FTCDNL1: variants seen among roughly 807,000 people sequenced by gnomAD.
The protein encoded by FTCDNL1 is formiminotransferase N-terminal subdomain-containing protein.
FTCDNL1 carries 11 observed loss-of-function variants against 5.9 expected under a neutral mutation model. That is an observed-to-expected ratio of 1.87 (90% CI 1.18 to 3.10). The LOEUF is 3.10. Among genes scored for constraint, FTCDNL1 ranks in the 30% most tolerant of loss-of-function variants. FTCDNL1 has a pLI of 0.00. For missense variants in FTCDNL1, 115 were observed against 65.5 expected (o/e 1.76, Z -2.61); for synonymous variants, 58 against 24.8 (o/e 2.34, Z -3.99).
chr2:199,728,927 A>T, the FTCDNL1 span, among the ~76,000 whole-genome samples: 1 of 152,352 alleles, frequency 6.6e-6, no homozygotes, highest in African/African-American at 2.4e-5. Context: ...TAAAAGTGCC[A>T]ACCCCAGGAT....
intron 3 of FTCDNL1, among the ~76,000 whole-genome samples, chr2:199,841,044 A>C (rs2076571844): frequency 6.6e-6 from 1 of 152,036 alleles, no homozygotes; most frequent in Non-Finnish European, 1.5e-5. Flanking sequence ...ACAGCTACTC[A>C]GCAGGCTGAG....
chr2:199,726,439 T>C, the FTCDNL1 span, among the ~76,000 whole-genome samples: 3 of 152,102 alleles, frequency 2.0e-5, no homozygotes, highest in African/African-American at 7.2e-5. Context: ...GCTGGAGAGG[T>C]GTTGCAATCA....
At chr2:199,755,344 T>C in the FTCDNL1 span, among the ~76,000 whole-genome samples, 1 of 152,192 alleles carries the variant, frequency 6.6e-6, no homozygotes, top group African/African-American at 2.4e-5. Flanking sequence ...CAATACAAAT[T>C]TGCTCAGCTA....
intron 3 of FTCDNL1, among the ~76,000 whole-genome samples, chr2:199,800,152 C>T (rs1033696711): frequency 1.3e-5 from 2 of 152,100 alleles, no homozygotes; most frequent in African/African-American, 2.4e-5. Flanking sequence ...TCTTAGGAGA[C>T]TTTTCTGAGG....
At chr2:199,782,075 G>A (rs1005683836) in intron 3 of FTCDNL1, among the ~76,000 whole-genome samples, 2 of 152,152 alleles carry the variant, frequency 1.3e-5, no homozygotes, top group African/African-American at 2.4e-5. Flanking sequence ...GAGCCACTGC[G>A]CCAGGCCTTT....
At chr2:199,694,248 A>T in the FTCDNL1 span, among the ~76,000 whole-genome samples, 1 of 152,134 alleles carries the variant, frequency 6.6e-6, no homozygotes, top group Non-Finnish European at 1.5e-5. Context: ...TTATATTCAG[A>T]CCTACCAGGT....
chr2:199,689,810 T>TA, the FTCDNL1 span, among the ~76,000 whole-genome samples: 77,398 of 116,804 alleles, frequency 0.66, 26,680 homozygotes, highest in South Asian at 0.85. Flanking sequence ...AAACTCCGTC[T>TA]AAAAAAAAAA....
chr2:199,725,937 G>T, the FTCDNL1 span, among the ~76,000 whole-genome samples: 1 of 152,154 alleles, frequency 6.6e-6, no homozygotes, highest in Non-Finnish European at 1.5e-5. Flanking sequence ...GGCCTGTCTT[G>T]CTAGGCTGGG....
downstream of FTCDNL1, among the ~76,000 whole-genome samples, chr2:199,804,528 T>C (rs2106416732): frequency 6.6e-6 from 1 of 152,316 alleles, no homozygotes; most frequent in African/African-American, 2.4e-5. Context: ...TTCCATGGCA[T>C]TTCCCACCCT....
the FTCDNL1 span, among the ~76,000 whole-genome samples, chr2:199,712,051 G>T: frequency 3.3e-5 from 5 of 152,058 alleles, no homozygotes; most frequent in Admixed American, 6.5e-5. Context: ...AGATTTAGAG[G>T]TAAAAGTACC....
At chr2:199,666,536 C>T in the FTCDNL1 span, among the ~76,000 whole-genome samples, 6 of 152,192 alleles carry the variant, frequency 3.9e-5, no homozygotes, top group Admixed American at 3.3e-4. Flanking sequence ...AATGATTGGA[C>T]AGCCATTAGA....
chr2:199,799,690 T>C (rs1700347248), intron 3 of FTCDNL1, among the ~76,000 whole-genome samples: 2 of 152,200 alleles, frequency 1.3e-5, no homozygotes, highest in Non-Finnish European at 2.9e-5. Flanking sequence ...CCCAGCCCCA[T>C]AGATATCTGG....
intron 4 of FTCDNL1, 33 bp downstream of exon 4, chr2:199,819,539 A>C (rs1391781421): frequency 2.9e-6 from 2 of 680,742 alleles, no homozygotes; most frequent in South Asian, 1.6e-5. Context: ...AAAAAAAAAA[A>C]AAACAGAGCA....
At chr2:199,850,284 C>T (rs559992120) in intron 1 of FTCDNL1, among the ~76,000 whole-genome samples, 64 of 152,302 alleles carry the variant, frequency 4.2e-4, no homozygotes, top group Non-Finnish European at 8.2e-4. Flanking sequence ...AATTGCTTTA[C>T]ACAAGGGGTG....
chr2:199,667,497 A>AAACC, the FTCDNL1 span, among the ~76,000 whole-genome samples: 7 of 151,930 alleles, frequency 4.6e-5, no homozygotes, highest in Admixed American at 2.0e-4. Context: ...ACAAACAAAC[A>AAACC]AAAAACAACA....
chr2:199,838,656 G>A (rs1702923972), intron 3 of FTCDNL1, among the ~76,000 whole-genome samples: 1 of 152,120 alleles, frequency 6.6e-6, no homozygotes, highest in African/African-American at 2.4e-5. Flanking sequence ...AGGCAAAGGG[G>A]AAGCTCAAAA....
downstream of FTCDNL1, among the ~76,000 whole-genome samples, chr2:199,808,933 C>T (rs1273198603): frequency 6.6e-6 from 1 of 152,144 alleles, no homozygotes; most frequent in African/African-American, 2.4e-5. Context: ...TTCCTTCTAT[C>T]GGGCCACACA....
chr2:199,832,338 C>T (rs935256894), intron 3 of FTCDNL1, among the ~76,000 whole-genome samples: 4 of 152,086 alleles, frequency 2.6e-5, no homozygotes, highest in African/African-American at 9.7e-5. Context: ...TTCATGGACT[C>T]AGTTTTGTTG....
chr2:199,793,135 C>T (rs992141465), intron 3 of FTCDNL1, among the ~76,000 whole-genome samples: 1 of 152,130 alleles, frequency 6.6e-6, no homozygotes, highest in South Asian at 2.1e-4. Context: ...AATTGCTGCT[C>T]TTATACATAT....
Sources: gnomAD v4.1 joint callset for allele counts (sites outside exome capture counted in the v4.1 genomes callset) on GRCh38, gnomAD v4.1.1 for gene constraint, MANE v1.5 for transcripts, NCBI Gene and HGNC (gene_info 2026-07-23, HGNC 2026-07-21) for gene names.